Variants in TTC9C observed in about 807,000 individuals in gnomAD.
The protein encoded by TTC9C is tetratricopeptide repeat domain 9C, also known as tetratricopeptide repeat protein 9C.
Under a neutral mutation model 22.5 loss-of-function variants are expected in TTC9C, and 15 were observed. That is an observed-to-expected ratio of 0.67 (90% CI 0.45 to 1.03). The LOEUF (loss-of-function observed/expected upper bound fraction) is 1.03. TTC9C is among the 50% of genes least tolerant of loss of function. The pLI, the probability that TTC9C is intolerant of heterozygous loss-of-function variation, is 0.00. For missense variants in TTC9C, 244 were observed against 214.6 expected (o/e 1.14, Z -0.86); for synonymous variants, 92 against 86.8 (o/e 1.06, Z -0.33).
intron 2 of TTC9C, among the ~76,000 whole-genome samples, chr11:62,736,772 G>T (rs537672342): frequency 1.1e-4 from 16 of 151,152 alleles, no homozygotes; most frequent in Admixed American, 7.9e-4. Flanking sequence ...AGGGAGAATC[G>T]CTTGAACCCA....
chr11:62,731,290 C>G (rs2083846237), intron 1 of TTC9C, among the ~76,000 whole-genome samples: 2 of 152,298 alleles, frequency 1.3e-5, no homozygotes, highest in South Asian at 4.1e-4. Context: ...TTGAATGACA[C>G]TTATCCAGAT....
At position 62,729,042 on chromosome 11, in the gene TTC9C, A is replaced by G. The variant is rs746683564; in HGVS notation, c.194A>G (p.Asn65Ser). The G allele has an allele frequency of 7.4e-6, 12 of 1,614,160 alleles. No individual in the cohort carries two copies. In the South Asian group the frequency reaches 1.3e-4, roughly 18 times the overall value. The change falls in exon 1 of 3, where the codon AAC becomes AGC. Residue 65 changes from asparagine (N) to serine (S), a missense_variant. Coordinates refer to ENST00000316461, the MANE Select transcript of TTC9C (RefSeq NM_173810.4). Reference sequence around the variant, plus strand: ...CCGGCCCTCACGCCTGAACAAGAAAACATATTGCATACCACCCAGACAGAC... The same window carrying G: ...CCGGCCCTCACGCCTGAACAAGAAAGCATATTGCATACCACCCAGACAGAC... ...QGPALTPEQENILHTTQTDCY... is the reference protein window; with the variant it reads ...QGPALTPEQESILHTTQTDCY...
Position 62,729,046 on chromosome 11 carries a change from A to T in TTC9C, c.198A>T (p.Ile66=). The part of the protein sequence containing the change: ...GPALTPEQEN[I]LHTTQTDCYN... ...CCCTCACGCCTGAACAAGAAAACAT[A>T]TTGCATACCACCCAGACAGACTGCT... is the stretch of plus-strand genomic sequence containing the variant. The change falls in exon 1 of 3, where the codon ATA becomes ATT. Residue 66 remains isoleucine (I), a synonymous_variant. Transcript: ENST00000316461. 1 of 1,614,136 alleles carries T rather than the reference A, an allele frequency of 6.2e-7. No homozygotes were observed. Among genetic ancestry groups the T allele is most frequent in the Non-Finnish European group, 8.5e-7 (1 of 1,180,038 alleles).
chr11:62,729,235 G>A (rs1359631173), intron 1 of TTC9C, 149 bp downstream of exon 1: 3 of 733,916 alleles, frequency 4.1e-6, no homozygotes, highest in African/African-American at 1.8e-5. Context: ...CAATCTGTGC[G>A]GCTGTAATTA....
intron 2 of TTC9C, 88 bp from the exon 3 acceptor site, chr11:62,738,200 C>T: frequency 1.4e-6 from 1 of 718,328 alleles, no homozygotes; most frequent in Non-Finnish European, 2.4e-6. Context: ...AAAATGGGAG[C>T]ATGTTAACAT....
chr11:62,734,649 C>T (rs958191358), intron 1 of TTC9C, among the ~76,000 whole-genome samples: 2 of 136,654 alleles, frequency 1.5e-5, no homozygotes, highest in Non-Finnish European at 3.1e-5. Flanking sequence ...AGTGAATACT[C>T]TGCCAAAAAA....
intron 1 of TTC9C, among the ~76,000 whole-genome samples, chr11:62,732,392 T>G (rs1358372383): frequency 6.6e-6 from 1 of 151,444 alleles, no homozygotes; most frequent in Non-Finnish European, 1.5e-5. Context: ...GCGGATCACC[T>G]GAGGTCAGGA....
At chr11:62,737,398 G>A (rs1188936901) in intron 2 of TTC9C, among the ~76,000 whole-genome samples, 1 of 152,092 alleles carries the variant, frequency 6.6e-6, no homozygotes, top group Admixed American at 6.6e-5. Context: ...GAGAATTTGG[G>A]ACTTACTTTG....
intron 1 of TTC9C, among the ~76,000 whole-genome samples, chr11:62,734,573 C>CT (rs1296158396): frequency 6.6e-6 from 1 of 152,108 alleles, no homozygotes; most frequent in African/African-American, 2.4e-5. Context: ...GAGTGAGACT[C>CT]TGTCTTAAAA....
chr11:62,733,691 T>C (rs1255835081), intron 1 of TTC9C, among the ~76,000 whole-genome samples: 1 of 151,958 alleles, frequency 6.6e-6, no homozygotes, highest in Non-Finnish European at 1.5e-5. Flanking sequence ...GCATATCTAA[T>C]TTTATATAAA....
At chr11:62,736,929 G>A (rs1648237062) in intron 2 of TTC9C, among the ~76,000 whole-genome samples, 1 of 151,838 alleles carries the variant, frequency 6.6e-6, no homozygotes, top group African/African-American at 2.4e-5. Flanking sequence ...TGGGCATGGT[G>A]GCTTATGCCT....
At chr11:62,734,056 T>G (rs2083882674) in intron 1 of TTC9C, among the ~76,000 whole-genome samples, 1 of 151,344 alleles carries the variant, frequency 6.6e-6, no homozygotes, top group African/African-American at 2.4e-5. Context: ...CCCAGTACAT[T>G]GGGAGGCTGA....
Position 62,728,800 on chromosome 11 carries a change from T to A in TTC9C, c.-49T>A. On this transcript the variant is annotated 5_prime_UTR_variant, in exon 1 of 3. Coordinates refer to ENST00000316461, the MANE Select transcript of TTC9C (RefSeq NM_173810.4). ...TTATTTTGCTCCCAACCCCAGAGCT[T>A]CACTTGCTCCTTCACTTCCCAGTTC... 6.3e-7 allele frequency: 1 copy of A among 1,593,184 alleles called. No homozygotes were observed. The highest frequency in any genetic ancestry group is 8.6e-7 in the Non-Finnish European group (1 of 1,161,264).
chr11:62,728,764 G>A lies in TTC9C; in HGVS notation c.-85G>A. On this transcript the variant is annotated 5_prime_UTR_variant, in exon 1 of 3. Transcript: ENST00000316461. ...AATTTCCTGCCTCCTTAAATTGGCT[G>A]CTACTGTCAGTTATTTTGCTCCCAA... 1 of 1,336,796 alleles carries A rather than the reference G, an allele frequency of 7.5e-7. No individual in the cohort carries two copies. Among genetic ancestry groups the A allele is most frequent in the Non-Finnish European group, 1.1e-6 (1 of 935,000 alleles). 82.8% of individuals were successfully genotyped at this position (1,336,796 alleles called of 1,614,324 possible).
chr11:62,737,302 G>A (rs1229944528), intron 2 of TTC9C, among the ~76,000 whole-genome samples: 4 of 152,200 alleles, frequency 2.6e-5, no homozygotes, highest in Non-Finnish European at 4.4e-5. Flanking sequence ...TCCAAATGGG[G>A]TCTGGCCTTT....
rs1461572605 is a variant in TTC9C at position 62,738,318 on chromosome 11, CA to C, written c.453del (p.Gln152SerfsTer30). On this transcript the variant is annotated frameshift_variant, in exon 3 of 3. Transcript: ENST00000316461. LOFTEE classifies it high-confidence loss of function. ...AACGTCCGGCGGTACCTCCAGCTGA[CA>C]CAGTCAGAACTCAGCAGCTACCATA... ...DANVRRYLQL[T>X]QSELSSYHRK... The C allele has an allele frequency of 1.9e-6, 3 of 1,612,940 alleles. No individual in the cohort carries two copies. The Admixed American group carries it at 5.0e-5, about 27-fold the overall frequency.
intron 1 of TTC9C, among the ~76,000 whole-genome samples, chr11:62,733,546 A>T (rs775469626): frequency 6.6e-6 from 1 of 152,152 alleles, no homozygotes; most frequent in Non-Finnish European, 1.5e-5. Flanking sequence ...CAGGACATAG[A>T]GCCTCAGGTA....
chr11:62,736,693 C>G (rs115581992), intron 2 of TTC9C, among the ~76,000 whole-genome samples: 5,463 of 133,954 alleles, frequency 0.041, 338 homozygotes, highest in African/African-American at 0.14. Context: ...GGCTCCGTCT[C>G]GGAAAAAAAA....
Position 62,728,815 on chromosome 11 carries a change from C to T in TTC9C, c.-34C>T, listed in dbSNP as rs781644880. The T allele has an allele frequency of 1.9e-6, 3 of 1,609,068 alleles. No individual in the cohort carries two copies. The highest frequency in any genetic ancestry group is 1.7e-5 in the Admixed American group (1 of 59,972). ...CCCCAGAGCTTCACTTGCTCCTTCA[C>T]TTCCCAGTTCCGCAAGAACCGTGGG... On this transcript the variant is annotated 5_prime_UTR_variant, in exon 1 of 3. Coordinates refer to ENST00000316461, the MANE Select transcript of TTC9C (RefSeq NM_173810.4).
Sources: allele counts gnomAD v4.1 joint callset (sites outside exome capture counted in the v4.1 genomes callset), GRCh38; gene constraint gnomAD v4.1.1; transcripts MANE v1.5; gene names NCBI Gene and HGNC (gene_info 2026-07-23, HGNC 2026-07-21).